The following PHF14 variants were observed in gnomAD, a reference collection of about 807,000 sequenced individuals.
PHF14 encodes PHD finger protein 14.
A neutral mutation model predicts 117.9 loss-of-function variants in PHF14; 55 were observed. The observed-to-expected ratio is 0.47, with a 90% confidence interval of 0.38 to 0.58. The LOEUF (loss-of-function observed/expected upper bound fraction) is 0.58. Among genes scored for constraint, PHF14 ranks in the 20% least tolerant of loss-of-function variants. The pLI, the probability that PHF14 is intolerant of heterozygous loss-of-function variation, is 0.00. For missense variants in PHF14, 978 were observed against 1,122.2 expected (o/e 0.87, Z 1.84); for synonymous variants, 409 against 368.6 (o/e 1.11, Z -1.26).
At chr7:11,058,279 T>C (rs1280487221) in intron 14 of PHF14, among the ~76,000 whole-genome samples, 1 of 152,190 alleles carries the variant, frequency 6.6e-6, no homozygotes, top group Admixed American at 6.5e-5. Context: ...TCTCCCTCTT[T>C]TAAATTCTAC....
chr7:11,045,467 A>T (rs1461048386), intron 13 of PHF14, among the ~76,000 whole-genome samples: 2 of 152,132 alleles, frequency 1.3e-5, no homozygotes, highest in African/African-American at 2.4e-5. Context: ...CTTACTACTA[A>T]ATACCCTGTA....
chr7:11,134,034 G>GT (rs1788154191), intron 17 of PHF14, among the ~76,000 whole-genome samples: 1 of 151,944 alleles, frequency 6.6e-6, no homozygotes, highest in Non-Finnish European at 1.5e-5. Context: ...CACTTAAATC[G>GT]TTTATCAAAG....
chr7:10,984,265 A>G (rs1782142301), intron 3 of PHF14, among the ~76,000 whole-genome samples: 1 of 152,200 alleles, frequency 6.6e-6, no homozygotes. Flanking sequence ...AAAATAATCT[A>G]TAGCAGGCTG....
At chr7:10,990,288 A>C (rs1024357821) in intron 3 of PHF14, among the ~76,000 whole-genome samples, 1 of 152,208 alleles carries the variant, frequency 6.6e-6, no homozygotes, top group African/African-American at 2.4e-5. Context: ...AAGCTCCTAA[A>C]GTGTAAGAAT....
chr7:11,030,156 T>TACTA (rs755206515), intron 7 of PHF14, among the ~76,000 whole-genome samples: 4 of 151,048 alleles, frequency 2.6e-5, no homozygotes, highest in Non-Finnish European at 5.9e-5. Context: ...TCTTCTCAGC[T>TACTA]ACTAGGTAGA....
chr7:11,042,809 T>TTTACTC lies in PHF14; in HGVS notation c.2308_2309insTACTCT (p.Ser769_Tyr770insLeuLeu). 1.9e-6 allele frequency: 3 copies of TTTACTC among 1,570,938 alleles called. No individual in the cohort carries two copies. The highest frequency in any genetic ancestry group is 2.6e-6 in the Non-Finnish European group (3 of 1,153,878). On this transcript the variant is annotated inframe_insertion, in exon 13 of 18. Transcript: ENST00000634607. The stretch of plus-strand genomic sequence containing the variant: ...GGATGCCAAGAAAGACCAAAAACAG[T>TTTACTC]TATTGGTGAGTAAAATAGAGGAGAT...
At chr7:11,118,705 TAG>T (rs1189630841) in intron 17 of PHF14, among the ~76,000 whole-genome samples, 1 of 151,852 alleles carries the variant, frequency 6.6e-6, no homozygotes, top group Admixed American at 6.6e-5. Flanking sequence ...CAGTAAAACA[TAG>T]ATTGTTTATT....
At chr7:11,054,514 C>T (rs1409931428) in intron 14 of PHF14, among the ~76,000 whole-genome samples, 1 of 151,988 alleles carries the variant, frequency 6.6e-6, no homozygotes, top group Non-Finnish European at 1.5e-5. Context: ...TCATTTTGGT[C>T]TTGATCTTAC....
chr7:11,062,814 T>C, intron 16 of PHF14: 1 of 985,288 alleles, frequency 1.0e-6, no homozygotes, highest in Non-Finnish European at 1.2e-6. Flanking sequence ...AAAAGAGAGC[T>C]AATTTAAAAG....
At chr7:10,986,384 A>C (rs1782228026) in intron 3 of PHF14, among the ~76,000 whole-genome samples, 1 of 152,350 alleles carries the variant, frequency 6.6e-6, no homozygotes, top group Admixed American at 6.5e-5. Context: ...GAAGCACACA[A>C]GTTATCAGAT....
At chr7:11,047,151 T>C (rs975545551) in intron 13 of PHF14, among the ~76,000 whole-genome samples, 1 of 151,866 alleles carries the variant, frequency 6.6e-6, no homozygotes, top group African/African-American at 2.4e-5. Flanking sequence ...TCACCGCAAC[T>C]TCTGCCTCCT....
chr7:11,084,838 C>T (rs1786320404), intron 16 of PHF14, among the ~76,000 whole-genome samples: 1 of 152,068 alleles, frequency 6.6e-6, no homozygotes, highest in Non-Finnish European at 1.5e-5. Context: ...TGTTTATTCA[C>T]TCATATATTG....
intron 16 of PHF14, among the ~76,000 whole-genome samples, chr7:11,083,529 C>T (rs539802228): frequency 2.1e-5 from 3 of 145,534 alleles, no homozygotes; most frequent in South Asian, 2.2e-4. Flanking sequence ...AGTGCAGTCT[C>T]GGCTCACTGG....
intron 17 of PHF14, among the ~76,000 whole-genome samples, chr7:11,143,402 T>A (rs969581952): frequency 5.3e-5 from 8 of 152,082 alleles, no homozygotes; most frequent in African/African-American, 1.9e-4. Flanking sequence ...ATTATAGGCA[T>A]GAGCCACCAT....
At chr7:11,015,361 A>C (rs1158073752) in intron 5 of PHF14, 1 of 152,170 alleles carries the variant, frequency 6.6e-6, no homozygotes, top group Non-Finnish European at 1.5e-5. Flanking sequence ...TTCAGGACAA[A>C]TGACTAAAGA....
At chr7:11,031,186 G>C (rs1399508007) in intron 7 of PHF14, among the ~76,000 whole-genome samples, 1 of 150,766 alleles carries the variant, frequency 6.6e-6, no homozygotes, top group South Asian at 2.1e-4. Context: ...GTTTTATATA[G>C]GCTGTTAAAA....
intron 2 of PHF14, among the ~76,000 whole-genome samples, chr7:10,979,277 T>A (rs1781975232): frequency 6.6e-6 from 1 of 152,126 alleles, no homozygotes; most frequent in Non-Finnish European, 1.5e-5. Flanking sequence ...TTTTTTTGTC[T>A]GGCCATTACC....
chr7:11,148,319 A>T (rs552545483), intron 17 of PHF14, among the ~76,000 whole-genome samples: 2 of 152,166 alleles, frequency 1.3e-5, no homozygotes, highest in Non-Finnish European at 2.9e-5. Context: ...TTAACTTTTC[A>T]TCTTATGCTC....
intron 17 of PHF14, among the ~76,000 whole-genome samples, chr7:11,150,801 C>T (rs1403661499): frequency 6.6e-6 from 1 of 152,112 alleles, no homozygotes; most frequent in African/African-American, 2.4e-5. Flanking sequence ...ATTCAGGCTA[C>T]TTAGATTCTA....
Sources: allele counts gnomAD v4.1 joint callset (sites outside exome capture counted in the v4.1 genomes callset), GRCh38; gene constraint gnomAD v4.1.1; transcripts MANE v1.5; gene names NCBI Gene and HGNC (gene_info 2026-07-23, HGNC 2026-07-21).